LRRC49: variants seen among roughly 807,000 people sequenced by gnomAD.
LRRC49 encodes leucine rich repeat containing 49.
A neutral mutation model predicts 83.3 loss-of-function variants in LRRC49; 50 were observed. The ratio of observed to expected loss-of-function variants is 0.60; its 90% CI spans 0.48 to 0.76. The LOEUF (loss-of-function observed/expected upper bound fraction) is 0.76. LRRC49 is among the 30% of genes least tolerant of loss of function. The pLI, the probability that LRRC49 is intolerant of heterozygous loss-of-function variation, is 0.00. For synonymous variants in LRRC49, 286 were observed against 283.3 expected (o/e 1.01, Z -0.10); for missense variants, 704 against 809.1 (o/e 0.87, Z 1.58).
intron 9 of LRRC49, among the ~76,000 whole-genome samples, chr15:70,976,525 G>A (rs1360856485): frequency 1.3e-5 from 2 of 152,094 alleles, no homozygotes; most frequent in African/African-American, 4.8e-5. Context: ...TGTGTGATAT[G>A]TGCATTGTTT....
At chr15:70,895,581 A>G (rs1316301214) in intron 2 of LRRC49, 1 of 261,164 alleles carries the variant, frequency 3.8e-6, no homozygotes, top group African/African-American at 2.2e-5. Flanking sequence ...TTTTTTCATC[A>G]TTCCAAATGG....
intron 15 of LRRC49, among the ~76,000 whole-genome samples, chr15:71,048,297 G>A (rs2039916147): frequency 6.6e-6 from 1 of 151,632 alleles, no homozygotes; most frequent in Non-Finnish European, 1.5e-5. Context: ...GTCTCGCTAT[G>A]TTGCCCAGGC....
intron 11 of LRRC49, 148 bp from the exon 12 acceptor site, chr15:71,008,231 T>C: frequency 1.9e-6 from 1 of 529,348 alleles, no homozygotes; most frequent in Non-Finnish European, 3.4e-6. Context: ...CTAGATAGTC[T>C]ATTGAAAATT....
At chr15:71,017,671 A>G (rs1596144441) in intron 14 of LRRC49, among the ~76,000 whole-genome samples, 1 of 152,322 alleles carries the variant, frequency 6.6e-6, no homozygotes, top group East Asian at 1.9e-4. Context: ...CATTTTTGCC[A>G]ATGAGATTGA....
chr15:70,946,159 ATT>A (rs1449956884), intron 8 of LRRC49, among the ~76,000 whole-genome samples: 1 of 152,176 alleles, frequency 6.6e-6, no homozygotes, highest in East Asian at 1.9e-4. Context: ...TATACAATAC[ATT>A]GTTATTAAAT....
At chr15:70,907,374 C>T (rs531338812) in intron 5 of LRRC49, 21 of 152,330 alleles carry the variant, frequency 1.4e-4, no homozygotes, top group African/African-American at 5.1e-4. Context: ...TAAGAAAGAA[C>T]CTTGCTCAGG....
intron 3 of LRRC49, chr15:70,898,526 G>A (rs1401611391): frequency 3.2e-6 from 2 of 628,840 alleles, no homozygotes; most frequent in Non-Finnish European, 5.7e-6. Flanking sequence ...TGTAACCCCA[G>A]CACTTTGGGA....
chr15:70,941,507 A>G lies in LRRC49; in HGVS notation c.773+4685A>G, dbSNP rs368831296. On this transcript the variant is annotated intron_variant, in intron 8 of 15. Transcript: ENST00000260382. The stretch of plus-strand genomic sequence containing the variant: ...AGGGGTAGTAGAGAGTAAAAAAAAA[A>G]AAAAGAAAAGAAAAAAAGAAAAGGG... 3.6e-4 allele frequency among the ~76,000 whole-genome samples: 55 copies of G among 151,818 alleles called. 1 individual carries two copies. The highest frequency in any genetic ancestry group is 1.2e-3 in the African/African-American group (50 of 41,532).
At chr15:71,042,027 AG>A (rs2039711576) in intron 15 of LRRC49, among the ~76,000 whole-genome samples, 1 of 152,180 alleles carries the variant, frequency 6.6e-6, no homozygotes, top group African/African-American at 2.4e-5. Context: ...TAAAAGCAAA[AG>A]TTTCAAGTTT....
chr15:70,912,981 A>G (rs2034613160), intron 6 of LRRC49, among the ~76,000 whole-genome samples: 1 of 152,112 alleles, frequency 6.6e-6, no homozygotes, highest in South Asian at 2.1e-4. Flanking sequence ...CCAGCTCTAT[A>G]TCTATTTTTT....
At chr15:70,915,178 G>A (rs2034715357) in intron 6 of LRRC49, among the ~76,000 whole-genome samples, 1 of 152,208 alleles carries the variant, frequency 6.6e-6, no homozygotes, top group African/African-American at 2.4e-5. Flanking sequence ...CATAGCAGAT[G>A]TTGTACATGA....
chr15:71,044,493 A>T (rs1313707687), intron 15 of LRRC49, among the ~76,000 whole-genome samples: 3 of 152,226 alleles, frequency 2.0e-5, no homozygotes, highest in Non-Finnish European at 4.4e-5. Flanking sequence ...TATTTTAAAC[A>T]TCATAAGCAT....
chr15:70,993,766 G>A (rs2037980178), intron 11 of LRRC49, among the ~76,000 whole-genome samples: 1 of 152,078 alleles, frequency 6.6e-6, no homozygotes, highest in African/African-American at 2.4e-5. Flanking sequence ...TCAGTTTCAA[G>A]TTTATCCAAG....
At chr15:70,958,534 G>A (rs2036483011) in intron 8 of LRRC49, among the ~76,000 whole-genome samples, 1 of 152,118 alleles carries the variant, frequency 6.6e-6, no homozygotes, top group South Asian at 2.1e-4. Flanking sequence ...ACAACTATGG[G>A]GGAAGGAGAG....
At chr15:70,873,128 AC>A in exon 2 of LRRC49, 2 of 1,232,606 alleles carry the variant, frequency 1.6e-6, no homozygotes, top group Non-Finnish European at 2.3e-6. Context: ...CAAGTGATCC[AC>A]CCGCCTTGGC....
At chr15:70,915,197 T>A (rs1596014978) in intron 6 of LRRC49, among the ~76,000 whole-genome samples, 1 of 152,216 alleles carries the variant, frequency 6.6e-6, no homozygotes, top group East Asian at 1.9e-4. Flanking sequence ...GATTCTGGCC[T>A]GTTGGGTTGC....
intron 5 of LRRC49, among the ~76,000 whole-genome samples, chr15:70,910,956 G>A (rs1395091731): frequency 6.6e-6 from 1 of 152,202 alleles, no homozygotes; most frequent in African/African-American, 2.4e-5. Context: ...ATGGGGACAG[G>A]AAGGGAAAGG....
chr15:71,046,090 A>G (rs1660968), intron 15 of LRRC49, among the ~76,000 whole-genome samples: 1 of 152,024 alleles, frequency 6.6e-6, no homozygotes, highest in Non-Finnish European at 1.5e-5. Context: ...TCTTTATCCA[A>G]TCTACCATTG....
chr15:70,856,608 C>A (rs1046163750), intron 1 of LRRC49, among the ~76,000 whole-genome samples: 1 of 152,200 alleles, frequency 6.6e-6, no homozygotes, highest in Non-Finnish European at 1.5e-5. Flanking sequence ...ACATAAGTTT[C>A]TCATTTATAG....
Sources: gnomAD v4.1 joint callset for allele counts (sites outside exome capture counted in the v4.1 genomes callset) on GRCh38, gnomAD v4.1.1 for gene constraint, MANE v1.5 for transcripts, NCBI Gene and HGNC (gene_info 2026-07-23, HGNC 2026-07-21) for gene names.